ZNF385A: variants seen among roughly 807,000 people sequenced by gnomAD.
ZNF385A encodes zinc finger protein 385A, also known as hematopoietic zinc finger protein.
Under a neutral mutation model 32.1 loss-of-function variants are expected in ZNF385A, and 14 were observed. The observed-to-expected ratio is 0.44, with a 90% confidence interval of 0.29 to 0.68. The LOEUF (loss-of-function observed/expected upper bound fraction) is 0.68, where lower values mean the gene tolerates loss of function less well. Among genes scored for constraint, ZNF385A ranks in the 30% least tolerant of loss-of-function variants. The pLI is 0.14. For synonymous variants in ZNF385A, 197 were observed against 202.7 expected, an observed-to-expected ratio of 0.97 and a Z score of 0.24; for missense variants, 406 against 478.4, an observed-to-expected ratio of 0.85 and a Z score of 1.41.
upstream of ZNF385A, among the ~76,000 whole-genome samples, chr12:54,388,233 C>T (rs1431278334): frequency 6.6e-6 from 1 of 152,126 alleles, no homozygotes; most frequent in Admixed American, 6.6e-5. Context: ...AGAAAGCTCC[C>T]AACATGATTT....
chr12:54,379,193 G>C, intron 1 of ZNF385A: 1 of 981,680 alleles, frequency 1.0e-6, no homozygotes, highest in Non-Finnish European at 1.2e-6. Flanking sequence ...GGGGCTGTGC[G>C]GCCCGGCCGG....
upstream of ZNF385A, chr12:54,385,793 C>G (rs1465119009): frequency 3.1e-6 from 1 of 326,628 alleles, no homozygotes; most frequent in Non-Finnish European, 4.4e-6. Context: ...TGCCAGCCCC[C>G]TCCCCCTCAG....
chr12:54,377,178 ACTGG>A (rs1954889723), intron 1 of ZNF385A, among the ~76,000 whole-genome samples: 1 of 152,154 alleles, frequency 6.6e-6, no homozygotes, highest in African/African-American at 2.4e-5. Context: ...CAGTAGTTTC[ACTGG>A]CTGGGTGGGG....
In ZNF385A at chr12:54,370,594, C is replaced by T; in HGVS notation, c.870+32G>A. ...CTCTCTCCTCCCCGCCCGCGCCCTC[C>T]CACTGCTGAATTCCCAGCATCCAGG... is the stretch of plus-strand genomic sequence containing the variant. On this transcript the variant is annotated intron_variant, in intron 6 of 6. Transcript: ENST00000394313. The surrounding 1 kb of genome is among the most constrained non-coding windows in gnomAD (Gnocchi z 5.5). 1 of 1,574,242 alleles carries T rather than the reference C, an allele frequency of 6.4e-7. No individual in the cohort carries two copies. The highest frequency in any genetic ancestry group is 8.6e-7 in the Non-Finnish European group (1 of 1,159,534).
upstream of ZNF385A, among the ~76,000 whole-genome samples, chr12:54,389,370 G>A (rs747568698): frequency 1.3e-5 from 2 of 152,196 alleles, no homozygotes; most frequent in Non-Finnish European, 2.9e-5. Flanking sequence ...GCCCTGGCTG[G>A]CAGCTTCCTC....
chr12:54,373,026 G>T, intron 3 of ZNF385A: 1 of 169,518 alleles, frequency 5.9e-6, no homozygotes. Context: ...GCGACAGAGT[G>T]AGACTCTGTC....
At chr12:54,388,445 C>T (rs1592275487), upstream of ZNF385A, among the ~76,000 whole-genome samples, 1 of 152,276 alleles carries the variant, frequency 6.6e-6, no homozygotes, top group East Asian at 1.9e-4. Flanking sequence ...AGCCCTTTGG[C>T]TATTTTAGGT....
At chr12:54,373,374 T>C (rs2137182821) in intron 3 of ZNF385A, among the ~76,000 whole-genome samples, 1 of 152,238 alleles carries the variant, frequency 6.6e-6, no homozygotes, top group Non-Finnish European at 1.5e-5. Flanking sequence ...GCTTTCCAAT[T>C]TCTTGGCTGC....
intron 1 of ZNF385A, among the ~76,000 whole-genome samples, chr12:54,382,801 A>G (rs1231029148): frequency 1.3e-5 from 2 of 152,234 alleles, no homozygotes; most frequent in Non-Finnish European, 2.9e-5. Flanking sequence ...TTTGGGCTCA[A>G]TGTCCTACTG....
chr12:54,380,721 T>C (rs1955112731), intron 1 of ZNF385A, among the ~76,000 whole-genome samples: 1 of 152,240 alleles, frequency 6.6e-6, no homozygotes, highest in Non-Finnish European at 1.5e-5. Context: ...TTTCTCTCTT[T>C]ACTCCTCTTT....
intron 2 of ZNF385A, among the ~76,000 whole-genome samples, chr12:54,375,288 G>A (rs988228433): frequency 1.3e-5 from 2 of 152,186 alleles, no homozygotes; most frequent in Admixed American, 1.3e-4. Flanking sequence ...TGGGTTTGGG[G>A]TAGCTTCTCC....
At chr12:54,384,365 T>G in intron 1 of ZNF385A, 63 bp downstream of exon 1, 2 of 1,493,466 alleles carry the variant, frequency 1.3e-6, no homozygotes, top group Non-Finnish European at 1.8e-6. Flanking sequence ...AGGGCAGAGG[T>G]GGGTCTGAGA....
At chr12:54,389,156 G>T (rs1467038450), upstream of ZNF385A, among the ~76,000 whole-genome samples, 1 of 152,198 alleles carries the variant, frequency 6.6e-6, no homozygotes, top group African/African-American at 2.4e-5. Flanking sequence ...GAAAGGCTTA[G>T]AACAGGGAAC....
upstream of ZNF385A, among the ~76,000 whole-genome samples, chr12:54,388,798 G>T (rs913249319): frequency 6.6e-6 from 1 of 152,226 alleles, no homozygotes; most frequent in Admixed American, 6.5e-5. Context: ...GAGGGCGGGG[G>T]TGGGAGGAAA....
At position 54,375,067 on chromosome 12, in the gene ZNF385A, A is replaced by AGTGT. The variant is rs35300449; in HGVS notation, c.198+773_198+776dup. ...CAGTGTGCAGAGCCCAGTAGTATGG[A>AGTGT]GTGTGTGTGTGTGTGTGTGTCTCTG... On this transcript the variant is annotated intron_variant, in intron 2 of 6. Coordinates refer to ENST00000394313, the MANE Select transcript of ZNF385A (RefSeq NM_015481.3). Among the ~76,000 whole-genome samples, 233 of 150,466 alleles carry AGTGT rather than the reference A, an allele frequency of 1.5e-3. 1 individual carries two copies. In the East Asian group the frequency reaches 0.018, roughly 12 times the overall value.
At position 54,370,107 on chromosome 12, in the gene ZNF385A, T is replaced by A. The variant is rs925587146; in HGVS notation, c.*149A>T. The stretch of plus-strand genomic sequence containing the variant: ...TGAAGCCCCCCTCCCCCGCTACCCC[T>A]CCCCTTTCCTGGAACCCCGTATCTC... On this transcript the variant is annotated 3_prime_UTR_variant, in exon 7 of 7. Coordinates refer to ENST00000394313, the MANE Select transcript of ZNF385A (RefSeq NM_015481.3). The surrounding 1 kb of genome is among the most constrained non-coding windows in gnomAD (Gnocchi z 5.5). The A allele has an allele frequency of 3.3e-6, 2 of 606,038 alleles. No homozygotes were observed. The highest frequency in any genetic ancestry group is 2.2e-5 in the African/African-American group (1 of 46,450). 37.5% of individuals were successfully genotyped at this position (606,038 alleles called of 1,614,324 possible). A position where few individuals can be genotyped will look rare whatever the true frequency, so the allele number is the denominator to read the frequency against.
chr12:54,386,087 T>C (rs1955466979), upstream of ZNF385A, among the ~76,000 whole-genome samples: 1 of 151,980 alleles, frequency 6.6e-6, no homozygotes, highest in Non-Finnish European at 1.5e-5. Context: ...GATCCTTGGC[T>C]TTGACCCTTA....
upstream of ZNF385A, among the ~76,000 whole-genome samples, chr12:54,389,460 G>A (rs1258302939): frequency 6.6e-6 from 1 of 152,218 alleles, no homozygotes; most frequent in Non-Finnish European, 1.5e-5. Context: ...CTTGGCATAA[G>A]GAGGGAATTA....
chr12:54,374,528 C>T (rs1350838332), intron 2 of ZNF385A, among the ~76,000 whole-genome samples: 2 of 152,158 alleles, frequency 1.3e-5, no homozygotes, highest in East Asian at 3.9e-4. Context: ...TGCCCAAGTC[C>T]TCTGCCCCTA....
Sources: gnomAD v4.1 joint callset for allele counts (sites outside exome capture counted in the v4.1 genomes callset) on GRCh38, gnomAD v4.1.1 for gene constraint, Gnocchi (gnomAD v3.1) non-coding constraint, MANE v1.5 for transcripts, NCBI Gene and HGNC (gene_info 2026-07-23, HGNC 2026-07-21) for gene names.